HERC1: variants seen among roughly 807,000 people sequenced by gnomAD.
HERC1 encodes HECT and RLD domain containing E3 ubiquitin protein ligase family member 1.
A neutral mutation model predicts 554.3 loss-of-function variants in HERC1; 160 were observed. The observed-to-expected ratio is 0.29, with a 90% CI of 0.25 to 0.33. The LOEUF (loss-of-function observed/expected upper bound fraction) is 0.33. Ranked by LOEUF, HERC1 falls within the 10% of genes least tolerant of loss-of-function variation. The pLI, the probability that HERC1 is intolerant of heterozygous loss-of-function variation, is 1.00. For synonymous variants in HERC1, 2,175 were observed against 2,131.7 expected (o/e 1.02, Z -0.56); for missense variants, 4,919 against 5,918.5 (o/e 0.83, Z 5.54).
In HERC1 at chr15:63,634,724, A is replaced by G. The variant is rs759692189; in HGVS notation, c.12570+9T>C. Reference sequence around the variant, plus strand: ...ATCAGCTAGAATATCTTATTGATTTATTCCATGCCTGTCCAATCTGATATC... The same window carrying G: ...ATCAGCTAGAATATCTTATTGATTTGTTCCATGCCTGTCCAATCTGATATC... On this transcript the variant is annotated intron_variant, in intron 66 of 77. Transcript: ENST00000443617. 1.9e-6 allele frequency: 3 copies of G among 1,608,586 alleles called. No individual in the cohort carries two copies. In the Admixed American group the frequency reaches 5.0e-5, roughly 27 times the overall value.
rs1296049788 is a variant in HERC1, at chr15:63,758,499, T to C, written c.1027-130A>G. ...TCAAATGCTCAAAGAACCTATTAAA[T>C]AAAGATAACTAGACTATTTACTCAT... On this transcript the variant is annotated intron_variant, in intron 3 of 77. Coordinates refer to ENST00000443617, the MANE Select transcript of HERC1 (RefSeq NM_003922.4). The surrounding 1 kb of genome is among the most constrained non-coding windows in gnomAD (Gnocchi z 4.0). The C allele has an allele frequency of 3.3e-6, 2 of 600,678 alleles. No homozygotes were observed. Among genetic ancestry groups the C allele is most frequent in the African/African-American group, 1.8e-5 (1 of 54,302 alleles). 37.2% of individuals were successfully genotyped at this position (600,678 alleles called of 1,614,324 possible).
At chr15:63,711,787 C>T (rs541060346) in intron 24 of HERC1, among the ~76,000 whole-genome samples, 10 of 152,120 alleles carry the variant, frequency 6.6e-5, no homozygotes, top group Non-Finnish European at 1.5e-4. Flanking sequence ...AGACCAGAAG[C>T]CAAGTCTGAC....
chr15:63,687,480 G>C (rs921339140), intron 33 of HERC1, among the ~76,000 whole-genome samples: 8 of 151,850 alleles, frequency 5.3e-5, no homozygotes, highest in African/African-American at 9.7e-5. Flanking sequence ...AGAGGTTGCA[G>C]TAAGCAGAAA....
intron 8 of HERC1, among the ~76,000 whole-genome samples, chr15:63,750,213 A>G (rs931344062): frequency 2.0e-5 from 3 of 152,264 alleles, no homozygotes; most frequent in African/African-American, 7.2e-5. Flanking sequence ...TATATAAATC[A>G]CAAAACTGAT....
At chr15:63,795,399 A>T (rs2076783362) in intron 1 of HERC1, among the ~76,000 whole-genome samples, 1 of 152,218 alleles carries the variant, frequency 6.6e-6, no homozygotes, top group African/African-American at 2.4e-5. Context: ...AGATGTTGAT[A>T]GCACCTAAGA....
intron 36 of HERC1, among the ~76,000 whole-genome samples, chr15:63,679,784 T>A (rs1370172299): frequency 6.6e-6 from 1 of 152,228 alleles, no homozygotes; most frequent in Non-Finnish European, 1.5e-5. Context: ...TTCTCTCTCA[T>A]ACCCATAATT....
rs1208737545 is a variant in HERC1, at chr15:63,654,220, C to A, written c.10189G>T (p.Ala3397Ser). The stretch of plus-strand genomic sequence containing the variant: ...GTAGTTTGGTTGTCACGGTCGTGTG[C>A]AGCAAGAGTGCGCACGAGTTGCTGA... ...AAQQLVRTLA[A>S]HDRDNQTTLQ... Residue 3397 changes from alanine to serine, a missense_variant, in exon 51 of 78, where the codon GCA becomes TCA. This residue lies in a region of HERC1 where 1,963 missense variants were observed against 2,228.6 expected (regional missense o/e 0.88). Coordinates refer to ENST00000443617, the MANE Select transcript of HERC1 (RefSeq NM_003922.4). 5.0e-6 allele frequency: 8 copies of A among 1,613,888 alleles called. No homozygotes were observed. Among genetic ancestry groups the A allele is most frequent in the Non-Finnish European group, 6.8e-6 (8 of 1,179,874 alleles).
rs752889427 is a variant in HERC1, at chr15:63,612,585, T to G, written c.14095-29A>C. On this transcript the variant is annotated intron_variant, in intron 76 of 77. Coordinates refer to ENST00000443617, the MANE Select transcript of HERC1 (RefSeq NM_003922.4). This position sits in a 1 kb window ranked among gnomAD's most constrained non-coding sequence, Gnocchi z 5.0. ...CTCCCGGGAGAGGTTGCTCATTCAA[T>G]GAGTGTGCGTGAACCTGGCACCCAC... The G allele has an allele frequency of 6.3e-7, 1 of 1,593,916 alleles. No homozygotes were observed. Among genetic ancestry groups the G allele is most frequent in the Non-Finnish European group, 8.6e-7 (1 of 1,169,216 alleles).
intron 2 of HERC1, among the ~76,000 whole-genome samples, 170 bp downstream of exon 2, chr15:63,774,524 A>G (rs978010803): frequency 5.3e-5 from 8 of 152,202 alleles, no homozygotes; most frequent in African/African-American, 1.9e-4. Context: ...CCAACCATAT[A>G]TTATCAACAT....
At position 63,753,010 on chromosome 15, in the gene HERC1, C is replaced by A; in HGVS notation, c.1850G>T (p.Arg617Leu). The part of the protein sequence containing the change: ...VIEALQGMFI[R>L]KVCAGSQSSL... Reference sequence around the variant, plus strand: ...AGACTGGCTCCCAGCACAAACTTTGCGAATGAACATTCCTTGTAAAGCTTC... The same window carrying A: ...AGACTGGCTCCCAGCACAAACTTTGAGAATGAACATTCCTTGTAAAGCTTC... Residue 617 changes from arginine to leucine, a missense_variant, in exon 8 of 78, where the codon CGC becomes CTC. Physicochemically the swap from Arg to Leu is moderately radical, Grantham distance 102. Around this residue, in one of 11 missense-constraint regions of HERC1, gnomAD observed 744 missense variants for 1,090.0 expected, o/e 0.68. Coordinates refer to ENST00000443617, the MANE Select transcript of HERC1 (RefSeq NM_003922.4). The A allele has an allele frequency of 6.2e-7, 1 of 1,613,456 alleles. No homozygotes were observed. The highest frequency in any genetic ancestry group is 8.5e-7 in the Non-Finnish European group (1 of 1,179,562).
At chr15:63,794,427 A>G (rs1596272842) in intron 1 of HERC1, among the ~76,000 whole-genome samples, 1 of 152,238 alleles carries the variant, frequency 6.6e-6, no homozygotes, top group East Asian at 1.9e-4. Context: ...GATCAACTCA[A>G]TCTTTGGCCC....
Position 63,647,516 on chromosome 15 carries a change from A to AAT in HERC1, c.10878+551_10878+552dup, listed in dbSNP as rs560780538. Among the ~76,000 whole-genome samples, 469 of 152,344 alleles carry AAT rather than the reference A, an allele frequency of 3.1e-3. 2 individuals are homozygous for AAT. Among genetic ancestry groups the AAT allele is most frequent in the Non-Finnish European group, 5.5e-3 (376 of 68,034 alleles). On this transcript the variant is annotated intron_variant, in intron 55 of 77. Transcript: ENST00000443617. ...ACTACTGAGTATCTACCCAAAGGAA[A>AAT]ATAATTCATTTTCTCAAAAAGATGC... is the stretch of plus-strand genomic sequence containing the variant.
chr15:63,769,519 T>G (rs1229976115), intron 2 of HERC1, among the ~76,000 whole-genome samples: 1 of 152,056 alleles, frequency 6.6e-6, no homozygotes, highest in Non-Finnish European at 1.5e-5. Context: ...ATTCTCAACA[T>G]GATGGAAAGT....
chr15:63,716,151 C>A (rs2073543937), intron 22 of HERC1, 151 bp downstream of exon 22: 2 of 667,484 alleles, frequency 3.0e-6, no homozygotes, highest in East Asian at 5.3e-5. Flanking sequence ...TGTAGGAGCC[C>A]CTGTCAGCTA....
At chr15:63,664,387 G>A in intron 43 of HERC1, 83 bp downstream of exon 43, 2 of 1,306,820 alleles carry the variant, frequency 1.5e-6, no homozygotes, top group Non-Finnish European at 2.1e-6. Flanking sequence ...AGTATCATTA[G>A]TTTGAATCTT....
At chr15:63,790,222 T>C (rs1297464586) in intron 1 of HERC1, among the ~76,000 whole-genome samples, 7 of 152,190 alleles carry the variant, frequency 4.6e-5, no homozygotes, top group Non-Finnish European at 1.5e-5. Flanking sequence ...ATTATGATCA[T>C]TATCATTTTA....
chr15:63,712,680 T>G (rs1429805427), intron 24 of HERC1, 95 bp downstream of exon 24: 6 of 1,150,388 alleles, frequency 5.2e-6, no homozygotes, highest in Non-Finnish European at 7.2e-6. Context: ...TTTTTATATG[T>G]CTAAAACAAA....
Position 63,747,144 on chromosome 15 carries a change from T to G in HERC1, c.2355-61A>C, listed in dbSNP as rs187312563. On this transcript the variant is annotated intron_variant, in intron 11 of 77. Coordinates refer to ENST00000443617, the MANE Select transcript of HERC1 (RefSeq NM_003922.4). ...ATAAAAGTGCCTGTGCTATCCAGTT[T>G]GGGTAACATTTTTATATCTTTAAAA... The G allele has an allele frequency of 3.2e-4, 480 of 1,477,088 alleles. No homozygotes were observed. In the African/African-American group the frequency reaches 6.1e-3, roughly 19 times the overall value. 91.5% of individuals were successfully genotyped at this position (1,477,088 alleles called of 1,614,324 possible).
intron 44 of HERC1, among the ~76,000 whole-genome samples, chr15:63,662,409 T>A (rs1291689875): frequency 6.6e-6 from 1 of 152,190 alleles, no homozygotes; most frequent in Non-Finnish European, 1.5e-5. Flanking sequence ...TCATTATGAT[T>A]CACTTATTTA....
Sources: gnomAD v4.1 joint callset for allele counts (sites outside exome capture counted in the v4.1 genomes callset) on GRCh38, gnomAD v4.1.1 for gene constraint, gnomAD v4.1.1 regional missense constraint, Gnocchi (gnomAD v3.1) non-coding constraint, MANE v1.5 for transcripts, NCBI Gene and HGNC (gene_info 2026-07-23, HGNC 2026-07-21) for gene names.